SPOCK3: variants seen among roughly 807,000 people sequenced by gnomAD.
SPOCK3 encodes the protein SPARC (osteonectin), cwcv and kazal like domains proteoglycan 3.
Under a neutral mutation model 56.6 loss-of-function variants are expected in SPOCK3, and 30 were observed. That is an observed-to-expected ratio of 0.53 (90% CI 0.40 to 0.72). The LOEUF (loss-of-function observed/expected upper bound fraction) is 0.72. SPOCK3 is among the 30% of genes least tolerant of loss of function. The pLI, the probability that SPOCK3 is intolerant of heterozygous loss-of-function variation, is 0.00. For missense variants in SPOCK3, 527 were observed against 530.0 expected (o/e 0.99, Z 0.06); for synonymous variants, 196 against 183.3 (o/e 1.07, Z -0.56).
chr4:166,804,247 C>G (rs1478606386), intron 6 of SPOCK3, among the ~76,000 whole-genome samples: 1 of 152,090 alleles, frequency 6.6e-6, no homozygotes, highest in Non-Finnish European at 1.5e-5. Flanking sequence ...TCTTACAGTC[C>G]TGGAGGGTAC....
At chr4:166,876,402 AAG>A (rs891196820) in intron 6 of SPOCK3, among the ~76,000 whole-genome samples, 1 of 152,206 alleles carries the variant, frequency 6.6e-6, no homozygotes, top group African/African-American at 2.4e-5. Flanking sequence ...AGCTCCGTGG[AAG>A]AGAGTTAAGA....
chr4:167,081,354 A>T (rs187921472), intron 2 of SPOCK3, among the ~76,000 whole-genome samples: 63 of 152,206 alleles, frequency 4.1e-4, no homozygotes, highest in South Asian at 1.2e-3. Context: ...TCAGTAAATA[A>T]AGTGTTGATG....
chr4:166,961,618 G>A (rs1213766453), intron 4 of SPOCK3, among the ~76,000 whole-genome samples: 2 of 151,516 alleles, frequency 1.3e-5, no homozygotes, highest in Non-Finnish European at 2.9e-5. Context: ...TTATTCCTGA[G>A]GCCGGAATCA....
chr4:167,133,996 A>G (rs1414642111), intron 2 of SPOCK3, among the ~76,000 whole-genome samples: 1 of 150,690 alleles, frequency 6.6e-6, no homozygotes, highest in Non-Finnish European at 1.5e-5. Flanking sequence ...TTTGCCTTAT[A>G]ACTTTCATAA....
rs552086116 is a variant in SPOCK3, at chr4:167,103,364, G to A, written c.190-40827C>T. Among the ~76,000 whole-genome samples, 427 of 152,144 alleles carry A rather than the reference G, an allele frequency of 2.8e-3. 2 individuals carry two copies. The highest frequency in any genetic ancestry group is 4.4e-3 in the Non-Finnish European group (301 of 67,992). On this transcript the variant is annotated intron_variant, in intron 2 of 10. Coordinates refer to ENST00000357545, the MANE Select transcript of SPOCK3 (RefSeq NM_001040159.2). ...CTAGGTCTGCCCTGGACCAGAGGGTGGCCCACTACCCTGAGGGGTGAATCC... is the reference window on the plus strand; with the variant it reads ...CTAGGTCTGCCCTGGACCAGAGGGTAGCCCACTACCCTGAGGGGTGAATCC...
chr4:166,801,417 C>T (rs1474565919), intron 6 of SPOCK3, among the ~76,000 whole-genome samples: 1 of 152,012 alleles, frequency 6.6e-6, no homozygotes, highest in Non-Finnish European at 1.5e-5. Flanking sequence ...TACAAAAATT[C>T]CATTATATGA....
At chr4:166,791,333 G>A (rs1741326015) in intron 7 of SPOCK3, among the ~76,000 whole-genome samples, 2 of 152,250 alleles carry the variant, frequency 1.3e-5, no homozygotes, top group South Asian at 4.1e-4. Context: ...CACTTTGAGG[G>A]TAGCAGGTGA....
At chr4:166,833,091 T>A (rs1389333881) in intron 6 of SPOCK3, among the ~76,000 whole-genome samples, 1 of 152,170 alleles carries the variant, frequency 6.6e-6, no homozygotes, top group Non-Finnish European at 1.5e-5. Flanking sequence ...CAAACAAATA[T>A]TATATACGTG....
chr4:166,957,984 G>A (rs1012322514), intron 4 of SPOCK3, among the ~76,000 whole-genome samples: 1 of 152,152 alleles, frequency 6.6e-6, no homozygotes, highest in Admixed American at 6.6e-5. Flanking sequence ...TTAGAAATGT[G>A]AGAAGGACAT....
At chr4:167,229,760 T>C (rs1736969511) in intron 2 of SPOCK3, among the ~76,000 whole-genome samples, 1 of 152,170 alleles carries the variant, frequency 6.6e-6, no homozygotes. Context: ...TTCTACATGT[T>C]CTTTAGCTTA....
At chr4:166,953,836 C>G (rs1292379014) in intron 4 of SPOCK3, among the ~76,000 whole-genome samples, 1 of 151,692 alleles carries the variant, frequency 6.6e-6, no homozygotes, top group Non-Finnish European at 1.5e-5. Context: ...ATCGTAAGAA[C>G]AAAAAACCAA....
At chr4:166,849,232 T>C (rs1040457893) in intron 6 of SPOCK3, among the ~76,000 whole-genome samples, 2 of 152,212 alleles carry the variant, frequency 1.3e-5, no homozygotes, top group Non-Finnish European at 2.9e-5. Flanking sequence ...TTGTATTCAT[T>C]CCTGTTTCTA....
chr4:167,098,371 A>G (rs1298302304), intron 2 of SPOCK3, among the ~76,000 whole-genome samples: 1 of 151,822 alleles, frequency 6.6e-6, no homozygotes, highest in Non-Finnish European at 1.5e-5. Context: ...TTCACTCTCC[A>G]ACAATTTTTC....
At chr4:167,066,231 C>T (rs184657059) in intron 2 of SPOCK3, among the ~76,000 whole-genome samples, 5 of 151,916 alleles carry the variant, frequency 3.3e-5, no homozygotes, top group African/African-American at 4.8e-5. Flanking sequence ...GTTTCTCAGC[C>T]TTGGCATTAT....
chr4:166,788,879 C>T (rs1189379072), intron 7 of SPOCK3, among the ~76,000 whole-genome samples: 1 of 151,870 alleles, frequency 6.6e-6, no homozygotes, highest in Non-Finnish European at 1.5e-5. Flanking sequence ...ATCATCAATG[C>T]TGGCTAATTT....
At chr4:167,089,796 T>C (rs181039618) in intron 2 of SPOCK3, among the ~76,000 whole-genome samples, 1 of 151,984 alleles carries the variant, frequency 6.6e-6, no homozygotes, top group East Asian at 1.9e-4. Context: ...TTATAGTAAA[T>C]CCTCTATCTT....
chr4:166,985,476 G>A (rs555534156), intron 4 of SPOCK3, among the ~76,000 whole-genome samples: 1 of 152,216 alleles, frequency 6.6e-6, no homozygotes, highest in South Asian at 2.1e-4. Context: ...ACTGTTCACA[G>A]AAAACATGTC....
chr4:167,119,939 C>G, intron 2 of SPOCK3: 1 of 1,078,480 alleles, frequency 9.3e-7, no homozygotes, highest in African/African-American at 1.6e-5. Flanking sequence ...GAATAAACCC[C>G]TTTCTGATGA....
chr4:166,907,581 T>C (rs1255781947), intron 5 of SPOCK3, among the ~76,000 whole-genome samples: 2 of 152,080 alleles, frequency 1.3e-5, no homozygotes, highest in African/African-American at 4.8e-5. Context: ...CTTCAGCACA[T>C]GGTTCCAGGG....
Sources: gnomAD v4.1 joint callset for allele counts (sites outside exome capture counted in the v4.1 genomes callset) on GRCh38, gnomAD v4.1.1 for gene constraint, MANE v1.5 for transcripts, NCBI Gene and HGNC (gene_info 2026-07-23, HGNC 2026-07-21) for gene names.